NEXMIF: variants seen among roughly 807,000 people sequenced by gnomAD.
NEXMIF encodes the protein XLMR protein related to neurite extension.
A neutral mutation model predicts 62.1 loss-of-function variants in NEXMIF; 8 were observed. The observed-to-expected ratio is 0.13, with a 90% CI of 0.08 to 0.23. The LOEUF (loss-of-function observed/expected upper bound fraction) is 0.23, where lower values mean the gene tolerates loss of function less well. Ranked by LOEUF, NEXMIF falls within the 10% of genes least tolerant of loss-of-function variation. NEXMIF has a pLI of 1.00. For synonymous variants in NEXMIF, 404 were observed against 416.6 expected (o/e 0.97, Z 0.37); for missense variants, 976 against 1,113.3 (o/e 0.88, Z 1.75).
At chrX:74,882,446 C>A (rs1471337656) in intron 1 of NEXMIF, among the ~76,000 whole-genome samples, 2 of 112,066 alleles carry the variant, frequency 1.8e-5, no homozygotes, top group African/African-American at 3.2e-5. Context: ...TCACTCCCAC[C>A]CTAATACTGT....
At chrX:74,850,870 CAA>C (rs1227554745) in intron 1 of NEXMIF, among the ~76,000 whole-genome samples, 1 of 108,982 alleles carries the variant, frequency 9.2e-6, no homozygotes, top group African/African-American at 3.3e-5. Context: ...AAAAGATCCC[CAA>C]AAAAAGAGAT....
chrX:74,812,569 T>C (rs924074937), intron 1 of NEXMIF, among the ~76,000 whole-genome samples: 1 of 111,136 alleles, frequency 9.0e-6, no homozygotes, highest in African/African-American at 3.3e-5. Flanking sequence ...AAGAAACTGA[T>C]CAGATAAATA....
intron 1 of NEXMIF, among the ~76,000 whole-genome samples, chrX:74,865,741 G>C (rs766170029): frequency 3.6e-5 from 4 of 112,138 alleles, no homozygotes; most frequent in African/African-American, 1.3e-4. Context: ...TCTAGCCATG[G>C]CTAAAGTACA....
intron 1 of NEXMIF, among the ~76,000 whole-genome samples, chrX:74,811,022 C>G (rs1057112610): frequency 9.0e-6 from 1 of 111,504 alleles, no homozygotes; most frequent in Non-Finnish European, 1.9e-5. Context: ...TTAGTATTAA[C>G]AGCTATGCAA....
At chrX:74,879,168 C>A (rs1434937356) in intron 1 of NEXMIF, among the ~76,000 whole-genome samples, 2 of 112,325 alleles carry the variant, frequency 1.8e-5, no homozygotes, top group East Asian at 5.6e-4. Flanking sequence ...TAGGCTAAAT[C>A]ATCTACGTTT....
intron 1 of NEXMIF, among the ~76,000 whole-genome samples, chrX:74,885,567 G>A (rs1405358568): frequency 1.8e-5 from 2 of 110,820 alleles, no homozygotes; most frequent in East Asian, 2.8e-4. Flanking sequence ...TAAATTCCTC[G>A]ACACATACAC....
chrX:74,780,326 T>C (rs1013938497), intron 1 of NEXMIF, among the ~76,000 whole-genome samples: 1 of 110,597 alleles, frequency 9.0e-6, no homozygotes, highest in Admixed American at 9.7e-5. Context: ...GTAATAAAAA[T>C]TGTGTGCCTT....
chrX:74,917,413 T>C (rs1440412840), intron 1 of NEXMIF, among the ~76,000 whole-genome samples: 4 of 112,131 alleles, frequency 3.6e-5, no homozygotes, highest in Admixed American at 1.9e-4. Context: ...TCTTTGTAAA[T>C]TACCTAGTTT....
intron 1 of NEXMIF, among the ~76,000 whole-genome samples, chrX:74,754,882 T>C (rs750726210): frequency 5.4e-5 from 6 of 111,397 alleles, no homozygotes; most frequent in African/African-American, 2.0e-4. Flanking sequence ...AACATCCCAT[T>C]AAAAAAAGTG....
intron 1 of NEXMIF, among the ~76,000 whole-genome samples, chrX:74,923,357 A>G (rs1196403718): frequency 1.8e-5 from 2 of 112,355 alleles, no homozygotes; most frequent in Non-Finnish European, 3.8e-5. Flanking sequence ...TGCTCACTAG[A>G]CAGATGGTTA....
chrX:74,785,921 A>C (rs1025587823), intron 1 of NEXMIF, among the ~76,000 whole-genome samples: 2 of 112,781 alleles, frequency 1.8e-5, no homozygotes, highest in African/African-American at 6.4e-5. Flanking sequence ...TAGATAAGGT[A>C]ATAGACAAAA....
chrX:74,829,134 G>T (rs2080427849), intron 1 of NEXMIF, among the ~76,000 whole-genome samples: 1 of 112,020 alleles, frequency 8.9e-6, no homozygotes, highest in African/African-American at 3.2e-5. Context: ...TGCATGCAAT[G>T]AATAATAATC....
At chrX:74,763,766 G>C (rs2080185367) in intron 1 of NEXMIF, among the ~76,000 whole-genome samples, 2 of 111,363 alleles carry the variant, frequency 1.8e-5, no homozygotes, top group Non-Finnish European at 3.8e-5. Flanking sequence ...TTGGCTCTCT[G>C]TTTGTCTGTT....
chrX:74,880,466 A>T (rs1171890054), intron 1 of NEXMIF, among the ~76,000 whole-genome samples: 1 of 111,750 alleles, frequency 8.9e-6, no homozygotes, highest in African/African-American at 3.3e-5. Context: ...AACATTTGGT[A>T]ATTCTCAGAG....
At chrX:74,760,184 C>T (rs2080171707) in intron 1 of NEXMIF, among the ~76,000 whole-genome samples, 1 of 111,445 alleles carries the variant, frequency 9.0e-6, no homozygotes, top group Non-Finnish European at 1.9e-5. Flanking sequence ...TGATTTGGCT[C>T]TCAGCTTGGA....
intron 1 of NEXMIF, among the ~76,000 whole-genome samples, chrX:74,836,081 AAGG>A (rs1243521269): frequency 8.9e-6 from 1 of 112,029 alleles, no homozygotes; most frequent in Non-Finnish European, 1.9e-5. Flanking sequence ...ATGGTGGGGG[AAGG>A]AGGAGGGCGG....
chrX:74,922,290 A>T, intron 1 of NEXMIF, among the ~76,000 whole-genome samples: 1 of 111,661 alleles, frequency 9.0e-6, no homozygotes, highest in Non-Finnish European at 1.9e-5. Flanking sequence ...AGTAAAACAG[A>T]AAGTGGCAGT....
intron 1 of NEXMIF, among the ~76,000 whole-genome samples, chrX:74,778,657 T>C (rs773278868): frequency 4.5e-5 from 5 of 112,230 alleles, no homozygotes; most frequent in Non-Finnish European, 7.5e-5. Flanking sequence ...ACCATCATTA[T>C]AGGCCAATAT....
intron 1 of NEXMIF, among the ~76,000 whole-genome samples, chrX:74,820,504 G>T (rs924926950): frequency 9.0e-6 from 1 of 110,977 alleles, no homozygotes; most frequent in Admixed American, 9.6e-5. Flanking sequence ...CCACTATTGG[G>T]TATATACCCA....
Sources: allele counts gnomAD v4.1 joint callset (sites outside exome capture counted in the v4.1 genomes callset), GRCh38; gene constraint gnomAD v4.1.1; transcripts MANE v1.5; gene names NCBI Gene and HGNC (gene_info 2026-07-23, HGNC 2026-07-21).